Variants in PGBD5 observed in about 807,000 individuals in gnomAD.
PGBD5 encodes piggyBac transposable element-derived protein 5.
Under a neutral mutation model 47.9 loss-of-function variants are expected in PGBD5, and 14 were observed. The ratio of observed to expected loss-of-function variants is 0.29; its 90% CI spans 0.19 to 0.46. The LOEUF is 0.46. PGBD5 is among the 20% of genes least tolerant of loss of function. PGBD5 has a pLI of 1.00. For missense variants in PGBD5, 635 were observed against 716.0 expected (o/e 0.89, Z 1.29); for synonymous variants, 316 against 306.3 (o/e 1.03, Z -0.33).
chr1:230,369,352 G>C (rs901461368), intron 1 of PGBD5, among the ~76,000 whole-genome samples: 3 of 152,224 alleles, frequency 2.0e-5, no homozygotes, highest in Non-Finnish European at 4.4e-5. Context: ...CATGGGTCAG[G>C]GGGACTGCTT....
chr1:230,334,040 G>A lies in PGBD5; in HGVS notation c.1076-999C>T, dbSNP rs1431876440. On this transcript the variant is annotated intron_variant, in intron 4 of 6. Coordinates refer to ENST00000391860, the MANE Select transcript of PGBD5 (RefSeq NM_001258311.2). ...CTGCTCAGCTCCCGGAGGACCGACA[G>A]TGCCATCGGTCACCTGAACACATCC... Among the ~76,000 whole-genome samples, 7 of 152,344 alleles carry A rather than the reference G, an allele frequency of 4.6e-5. No homozygotes were observed. In the East Asian group the frequency reaches 9.6e-4, roughly 21 times the overall value.
At chr1:230,334,596 C>T (rs1667272950) in intron 4 of PGBD5, among the ~76,000 whole-genome samples, 1 of 123,734 alleles carries the variant, frequency 8.1e-6, no homozygotes, top group African/African-American at 2.5e-5. Context: ...GCCTGAGAAT[C>T]CCCCAGGGTG....
At chr1:230,366,930 A>G (rs1419893636) in intron 1 of PGBD5, among the ~76,000 whole-genome samples, 1 of 152,038 alleles carries the variant, frequency 6.6e-6, no homozygotes, top group Non-Finnish European at 1.5e-5. Context: ...TCACGAGTTC[A>G]TATTTTTAAA....
intron 1 of PGBD5, among the ~76,000 whole-genome samples, chr1:230,365,479 T>C (rs1257222591): frequency 1.3e-5 from 2 of 152,122 alleles, no homozygotes; most frequent in Non-Finnish European, 2.9e-5. Flanking sequence ...CCATTTATCA[T>C]ACAAGGCACC....
At chr1:230,353,843 C>T (rs917244092) in intron 2 of PGBD5, among the ~76,000 whole-genome samples, 6 of 152,192 alleles carry the variant, frequency 3.9e-5, no homozygotes, top group African/African-American at 9.7e-5. Flanking sequence ...CGGAAAGCTG[C>T]GAATCCAAGG....
intron 1 of PGBD5, among the ~76,000 whole-genome samples, chr1:230,375,972 G>T (rs1668007165): frequency 1.3e-5 from 2 of 151,760 alleles, no homozygotes; most frequent in South Asian, 4.2e-4. Context: ...TTGCAGAGCT[G>T]TAAGGATTGA....
intron 5 of PGBD5, among the ~76,000 whole-genome samples, chr1:230,328,046 G>A (rs72763860): frequency 0.026 from 4,025 of 152,182 alleles, 73 homozygotes; most frequent in Non-Finnish European, 0.041. Flanking sequence ...TCTTTTCCCG[G>A]AACTCAGGAT....
At chr1:230,392,088 G>A (rs1571854623) in intron 1 of PGBD5, among the ~76,000 whole-genome samples, 1 of 152,206 alleles carries the variant, frequency 6.6e-6, no homozygotes. Context: ...ATCTCCAAAC[G>A]AAAATCCTAC....
chr1:230,381,822 C>T lies in PGBD5; in HGVS notation c.332-24501G>A, dbSNP rs75433319. Reference sequence around the variant, plus strand: ...ACCCCTCCCCTCATTTCCTTTCTTCCCTTCACCCCAGCATGCTGGGATCAC... The same window carrying T: ...ACCCCTCCCCTCATTTCCTTTCTTCTCTTCACCCCAGCATGCTGGGATCAC... On this transcript the variant is annotated intron_variant, in intron 1 of 6. Coordinates refer to ENST00000391860, the MANE Select transcript of PGBD5 (RefSeq NM_001258311.2). Among the ~76,000 whole-genome samples, 585 of 152,182 alleles carry T rather than the reference C, an allele frequency of 3.8e-3. 4 individuals carry two copies. Among genetic ancestry groups the T allele is most frequent in the African/African-American group, 0.014 (565 of 41,514 alleles).
At position 230,320,943 on chromosome 1, in the gene PGBD5, C is replaced by A. The variant is rs1667023497; in HGVS notation, c.*2482G>T. The A allele has an allele frequency of 6.6e-6, 1 of 152,256 alleles. No individual in the cohort carries two copies. The highest frequency in any genetic ancestry group is 6.5e-5 in the Admixed American group (1 of 15,284). 9.4% of individuals were successfully genotyped at this position (152,256 alleles called of 1,614,324 possible). ...CGGCTCAACAGCTGCCTTTTCCCAT[C>A]ATGTATCAGACAACAGGTGGCTGCC... is the stretch of plus-strand genomic sequence containing the variant. On this transcript the variant is annotated 3_prime_UTR_variant, in exon 7 of 7. Coordinates refer to ENST00000391860, the MANE Select transcript of PGBD5 (RefSeq NM_001258311.2).
intron 1 of PGBD5, among the ~76,000 whole-genome samples, chr1:230,390,842 C>T (rs948783208): frequency 6.6e-6 from 1 of 152,050 alleles, no homozygotes; most frequent in Admixed American, 6.5e-5. Context: ...TGGGTTCAAG[C>T]GATTCTCATG....
intron 1 of PGBD5, among the ~76,000 whole-genome samples, chr1:230,422,710 C>G (rs1657678848): frequency 6.6e-6 from 1 of 152,138 alleles, no homozygotes; most frequent in African/African-American, 2.4e-5. Context: ...TCCGGAGGAG[C>G]TGATCTAGGA....
Position 230,323,309 on chromosome 1 carries a change from C to G in PGBD5, c.*116G>C. 1.6e-6 allele frequency: 2 copies of G among 1,254,672 alleles called. No individual in the cohort carries two copies. The highest frequency in any genetic ancestry group is 2.2e-6 in the Non-Finnish European group (2 of 912,068). 77.7% of individuals were successfully genotyped at this position (1,254,672 alleles called of 1,614,324 possible). On this transcript the variant is annotated 3_prime_UTR_variant, in exon 7 of 7. Coordinates refer to ENST00000391860, the MANE Select transcript of PGBD5 (RefSeq NM_001258311.2). This position sits in a 1 kb window ranked among gnomAD's most constrained non-coding sequence, Gnocchi z 4.1. Reference sequence around the variant, plus strand: ...GTCCCTCCAGAGGCCCTGTGCATCCCTCCCAGGCAGCAAGCCACACACCAG... The same window carrying G: ...GTCCCTCCAGAGGCCCTGTGCATCCGTCCCAGGCAGCAAGCCACACACCAG...
At chr1:230,362,192 G>C in intron 1 of PGBD5, 1 of 1,301,550 alleles carries the variant, frequency 7.7e-7, no homozygotes, top group Non-Finnish European at 1.0e-6. Flanking sequence ...CTGCACGAGA[G>C]GGTGGGGGAG....
rs763041867 is a variant in PGBD5, at chr1:230,357,271, G to A, written c.382C>T (p.Leu128Phe). ...PSASAVDFFQ[L>F]FVPDNVLKNM... is the part of the protein sequence containing the mutation. ...TTGAGGACGTTGTCTGGGACAAAGA[G>A]CTGGAAGAAGTCCACGGCACTGGCG... Residue 128 changes from leucine to phenylalanine, a missense_variant, in exon 2 of 7, where the codon CTC (leucine) becomes TTC (phenylalanine). Coordinates refer to ENST00000391860, the MANE Select transcript of PGBD5 (RefSeq NM_001258311.2). This position sits in a 1 kb window ranked among gnomAD's most constrained non-coding sequence, Gnocchi z 5.7. 1 of 1,614,176 alleles carries A rather than the reference G, an allele frequency of 6.2e-7. No homozygotes were observed. The highest frequency in any genetic ancestry group is 8.5e-7 in the Non-Finnish European group (1 of 1,180,042).
At chr1:230,398,202 C>T (rs1232774748) in intron 1 of PGBD5, among the ~76,000 whole-genome samples, 7 of 152,218 alleles carry the variant, frequency 4.6e-5, no homozygotes, top group Admixed American at 4.6e-4. Context: ...ATGGTACATT[C>T]ATTTGCTAAG....
At position 230,321,945 on chromosome 1, in the gene PGBD5, C is replaced by T. The variant is rs532316257; in HGVS notation, c.*1480G>A. 6.6e-6 allele frequency: 1 copy of T among 152,650 alleles called. No homozygotes were observed. Among genetic ancestry groups the T allele is most frequent in the East Asian group, 1.9e-4 (1 of 5,180 alleles). The allele number at this position is 152,650 out of a possible 1,614,324, so 9.5% of individuals were successfully genotyped here. On this transcript the variant is annotated 3_prime_UTR_variant, in exon 7 of 7. Coordinates refer to ENST00000391860, the MANE Select transcript of PGBD5 (RefSeq NM_001258311.2). ...ACCATGATCTAGAGCACAGGAGCCA[C>T]GTGGGGCCCGGAGCATGCGGACAGC...
Position 230,426,242 on chromosome 1 carries a change from G to GCCACCA in PGBD5, c.-320_-315dup, listed in dbSNP as rs1036832136. 2.7e-5 allele frequency: 4 copies of GCCACCA among 150,438 alleles called. No homozygotes were observed. The highest frequency in any genetic ancestry group is 9.9e-5 in the African/African-American group (4 of 40,486). 9.3% of individuals were successfully genotyped at this position (150,438 alleles called of 1,614,324 possible). ...ACCAGGCGCCGCCGCCGCCACCGCC[G>GCCACCA]CCACCACCGCCACCACCGCCGCCGC... is the stretch of plus-strand genomic sequence containing the variant. On this transcript the variant is annotated 5_prime_UTR_variant, in exon 1 of 7. Coordinates refer to ENST00000391860, the MANE Select transcript of PGBD5 (RefSeq NM_001258311.2).
At chr1:230,364,724 GT>G (rs1667801344) in intron 1 of PGBD5, among the ~76,000 whole-genome samples, 2 of 152,216 alleles carry the variant, frequency 1.3e-5, no homozygotes, top group African/African-American at 4.8e-5. Context: ...GTCCCTAAAG[GT>G]TTAAATAAAA....
Sources: gnomAD v4.1 joint callset for allele counts (sites outside exome capture counted in the v4.1 genomes callset) on GRCh38, gnomAD v4.1.1 for gene constraint, Gnocchi (gnomAD v3.1) non-coding constraint, MANE v1.5 for transcripts, NCBI Gene and HGNC (gene_info 2026-07-23, HGNC 2026-07-21) for gene names.